DMRT1: variants seen among roughly 807,000 people sequenced by gnomAD.
DMRT1 encodes doublesex and mab-3 related transcription factor 1, also known as doublesex- and mab-3-related transcription factor 1.
Under a neutral mutation model 32.3 loss-of-function variants are expected in DMRT1, and 7 were observed. The observed-to-expected ratio is 0.22, with a 90% confidence interval of 0.12 to 0.41. The LOEUF (loss-of-function observed/expected upper bound fraction) is 0.41, where lower values mean the gene tolerates loss of function less well. DMRT1 is among the 10% of genes least tolerant of loss of function. DMRT1 has a pLI of 1.00. For missense variants in DMRT1, 625 were observed against 500.5 expected (o/e 1.25, Z -2.37); for synonymous variants, 278 against 206.1 (o/e 1.35, Z -2.99).
In DMRT1 at chr9:911,624, C is replaced by G. The variant is rs548618773; in HGVS notation, c.823-5139C>G. Among the ~76,000 whole-genome samples the G allele has an allele frequency of 3.3e-3, 504 of 151,580 alleles. 2 individuals carry two copies. Among genetic ancestry groups the G allele is most frequent in the Non-Finnish European group, 5.7e-3 (389 of 67,886 alleles). On this transcript the variant is annotated intron_variant, in intron 3 of 4. Coordinates refer to ENST00000382276, the MANE Select transcript of DMRT1 (RefSeq NM_021951.3). ...TCTCCTGCCTCAGCCTCCCAAGTAG[C>G]TGGGATTATAGGCGCCTGCCACCAC...
In DMRT1 at chr9:968,142, A is replaced by C; in HGVS notation, c.*3A>C. 1 of 1,601,522 alleles carries C rather than the reference A, an allele frequency of 6.2e-7. No homozygotes were observed. Among genetic ancestry groups the C allele is most frequent in the Non-Finnish European group, 8.5e-7 (1 of 1,178,930 alleles). On this transcript the variant is annotated 3_prime_UTR_variant, in exon 5 of 5. Coordinates refer to ENST00000382276, the MANE Select transcript of DMRT1 (RefSeq NM_021951.3). Reference sequence around the variant, plus strand: ...CCGTCATCGAGGAGGACGAGTGAGCAGTGCCTGCTGCCGATGGCGGTTCAC... The same window carrying C: ...CCGTCATCGAGGAGGACGAGTGAGCCGTGCCTGCTGCCGATGGCGGTTCAC...
chr9:957,400 C>T (rs997715079), intron 4 of DMRT1, among the ~76,000 whole-genome samples: 17 of 152,140 alleles, frequency 1.1e-4, no homozygotes, highest in South Asian at 2.1e-4. Flanking sequence ...AGAATTTTAG[C>T]AATTGGAGTC....
chr9:841,759 C>T lies in DMRT1; in HGVS notation c.-80C>T, dbSNP rs1380856549. On this transcript the variant is annotated 5_prime_UTR_variant, in exon 1 of 5. Transcript: ENST00000382276. ...CTGCGCCTCCTCCTCCGGAGCGTCG[C>T]TGTCCGTCGGGTTCATCCCTCGCAG... 1 of 1,550,732 alleles carries T rather than the reference C, an allele frequency of 6.4e-7. No individual in the cohort carries two copies. Among genetic ancestry groups the T allele is most frequent in the African/African-American group, 1.4e-5 (1 of 73,168 alleles).
At chr9:860,225 A>C (rs1260043779) in intron 2 of DMRT1, among the ~76,000 whole-genome samples, 1 of 152,162 alleles carries the variant, frequency 6.6e-6, no homozygotes, top group African/African-American at 2.4e-5. Context: ...TGAACCCTGG[A>C]GGCGGAGGTT....
intron 2 of DMRT1, among the ~76,000 whole-genome samples, chr9:860,769 G>A (rs904411868): frequency 2.4e-4 from 36 of 152,240 alleles, no homozygotes; most frequent in African/African-American, 7.7e-4. Context: ...AGGAAGTTAA[G>A]TCAGAGCTAG....
rs373045228 is a variant in DMRT1, at chr9:916,889, C to G, written c.949C>G (p.Pro317Ala). Reference sequence around the variant, plus strand: ...CACTTTTGAGGATGCTCCCTCTTACCCGGAAGCCAGGGCGAGCGGTAGGTG... The same window carrying G: ...CACTTTTGAGGATGCTCCCTCTTACGCGGAAGCCAGGGCGAGCGGTAGGTG... ...FFTFEDAPSY[P>A]EARASVFSPP... Residue 317 changes from proline to alanine, a missense_variant, in exon 4 of 5, where the codon CCG becomes GCG. Physicochemically the swap from Pro to Ala is conservative, Grantham distance 27. Coordinates refer to ENST00000382276, the MANE Select transcript of DMRT1 (RefSeq NM_021951.3). 1 of 1,614,030 alleles carries G rather than the reference C, an allele frequency of 6.2e-7. No individual in the cohort carries two copies. Among genetic ancestry groups the G allele is most frequent in the African/African-American group, 1.3e-5 (1 of 74,896 alleles).
intron 2 of DMRT1, among the ~76,000 whole-genome samples, chr9:859,198 T>G (rs554742254): frequency 6.6e-6 from 1 of 152,290 alleles, no homozygotes; most frequent in South Asian, 2.1e-4. Flanking sequence ...CCCAAATGTT[T>G]CCTGTATTGC....
intron 3 of DMRT1, among the ~76,000 whole-genome samples, chr9:907,488 C>G (rs920779416): frequency 6.6e-6 from 1 of 152,154 alleles, no homozygotes; most frequent in African/African-American, 2.4e-5. Flanking sequence ...TTTGTGAACC[C>G]CCTGATATGC....
chr9:931,546 T>G (rs115767814), intron 4 of DMRT1, among the ~76,000 whole-genome samples: 149 of 152,340 alleles, frequency 9.8e-4, no homozygotes, highest in African/African-American at 3.6e-3. Context: ...TATTTTCTTA[T>G]AGTCTGGAGG....
At chr9:863,295 GTGA>G (rs1190844097) in intron 2 of DMRT1, among the ~76,000 whole-genome samples, 4 of 149,128 alleles carry the variant, frequency 2.7e-5, no homozygotes, top group Non-Finnish European at 5.9e-5. Flanking sequence ...TTCAGCCTGG[GTGA>G]CAGAGTGAGG....
At chr9:916,615 T>G in intron 3 of DMRT1, 148 bp from the exon 4 acceptor site, 2 of 929,670 alleles carry the variant, frequency 2.2e-6, no homozygotes, top group Non-Finnish European at 3.4e-6. Context: ...CAAGCGATCC[T>G]CCCGCCCTGG....
chr9:867,347 C>G (rs1245375692), intron 2 of DMRT1, among the ~76,000 whole-genome samples: 1 of 152,218 alleles, frequency 6.6e-6, no homozygotes. Context: ...CCTAATTCCT[C>G]TCTGGGAAGC....
intron 4 of DMRT1, among the ~76,000 whole-genome samples, chr9:949,259 G>T (rs190501545): frequency 6.6e-6 from 1 of 152,010 alleles, no homozygotes; most frequent in Non-Finnish European, 1.5e-5. Context: ...CTAGCTACTT[G>T]GGAGGCTGAG....
chr9:873,723 G>A (rs1452460822), intron 2 of DMRT1, among the ~76,000 whole-genome samples: 1 of 152,126 alleles, frequency 6.6e-6, no homozygotes, highest in Admixed American at 6.6e-5. Flanking sequence ...GAGGTGAAAG[G>A]CAGTGGAAAG....
At chr9:901,013 A>C (rs1246049508) in intron 3 of DMRT1, among the ~76,000 whole-genome samples, 1 of 147,486 alleles carries the variant, frequency 6.8e-6, no homozygotes, top group Admixed American at 6.7e-5. Flanking sequence ...TTTTTTTTTT[A>C]ATTATTATTA....
chr9:906,621 G>A (rs1407128320), intron 3 of DMRT1, among the ~76,000 whole-genome samples: 1 of 152,144 alleles, frequency 6.6e-6, no homozygotes, highest in African/African-American at 2.4e-5. Context: ...AACAGATATG[G>A]ATGCCTCTGA....
intron 4 of DMRT1, among the ~76,000 whole-genome samples, chr9:939,415 T>G (rs1818989644): frequency 6.6e-6 from 1 of 152,238 alleles, no homozygotes; most frequent in Admixed American, 6.5e-5. Flanking sequence ...TCTAAAACTC[T>G]TATGTCAGGA....
intron 3 of DMRT1, among the ~76,000 whole-genome samples, chr9:908,902 A>G (rs12350317): frequency 0.22 from 33,495 of 151,970 alleles, 5,120 homozygotes; most frequent in African/African-American, 0.43. Flanking sequence ...TGGGTTCTTC[A>G]GCATCTGAAT....
intron 4 of DMRT1, among the ~76,000 whole-genome samples, chr9:941,245 T>G (rs1204260566): frequency 6.6e-6 from 1 of 151,710 alleles, no homozygotes; most frequent in Non-Finnish European, 1.5e-5. Flanking sequence ...GCAGCATAAA[T>G]GGGGGTCAAC....
Sources: allele counts gnomAD v4.1 joint callset (sites outside exome capture counted in the v4.1 genomes callset), GRCh38; gene constraint gnomAD v4.1.1; transcripts MANE v1.5; gene names NCBI Gene and HGNC (gene_info 2026-07-23, HGNC 2026-07-21).